Variants in PLD1 observed in about 807,000 individuals in gnomAD.
PLD1 encodes choline phosphatase 1.
A neutral mutation model predicts 137.1 loss-of-function variants in PLD1; 112 were observed. The ratio of observed to expected loss-of-function variants is 0.82; its 90% CI spans 0.70 to 0.96. The LOEUF is 0.96. Among genes scored for constraint, PLD1 ranks in the 40% least tolerant of loss-of-function variants. PLD1 has a pLI of 0.00. For synonymous variants in PLD1, 431 were observed against 454.7 expected, an observed-to-expected ratio of 0.95 and a Z score of 0.66; for missense variants, 1,321 against 1,342.0, an observed-to-expected ratio of 0.98 and a Z score of 0.24.
chr3:171,649,192 A>G (rs1486119885), intron 21 of PLD1, among the ~76,000 whole-genome samples: 3 of 152,170 alleles, frequency 2.0e-5, no homozygotes, highest in African/African-American at 4.8e-5. Flanking sequence ...ATATTATAAA[A>G]CATTCTTGCA....
At chr3:171,676,635 A>C (rs1578247586) in intron 18 of PLD1, 80 bp downstream of exon 18, 1 of 1,056,656 alleles carries the variant, frequency 9.5e-7, no homozygotes, top group Non-Finnish European at 1.5e-6. Flanking sequence ...TCTTCTTGCT[A>C]CCAGCCTCCT....
At chr3:171,741,463 G>A (rs1719765531) in intron 1 of PLD1, among the ~76,000 whole-genome samples, 1 of 152,100 alleles carries the variant, frequency 6.6e-6, no homozygotes, top group Non-Finnish European at 1.5e-5. Flanking sequence ...ATCTATAATA[G>A]GGGGTGAGCA....
rs778694444 is a variant in PLD1, at chr3:171,674,588, AG to A, written c.2140del (p.Leu714PhefsTer17). On this transcript the variant is annotated frameshift_variant, in exon 19 of 27. Transcript: ENST00000351298. LOFTEE classifies it high-confidence loss of function. ...CTTTGGAAGCAGAAAAGGATAAGAA[AG>A]GGACCGATATTTTGATTTCATAATC... ...TKIMKSKYRS[L>X]SYPFLLPKSQ... 6.3e-6 allele frequency: 10 copies of A among 1,592,330 alleles called. No homozygotes were observed. Among genetic ancestry groups the A allele is most frequent in the Non-Finnish European group, 7.8e-6 (9 of 1,161,238 alleles).
intron 15 of PLD1, 98 bp downstream of exon 15, chr3:171,687,273 C>T (rs374435911): frequency 1.3e-5 from 13 of 974,288 alleles, no homozygotes; most frequent in Middle Eastern, 2.3e-4. Context: ...CATTCTACTC[C>T]ATTACAGAAA....
intron 22 of PLD1, 199 bp from the exon 23 acceptor site, chr3:171,643,088 T>A: frequency 2.4e-6 from 1 of 417,856 alleles, no homozygotes; most frequent in Non-Finnish European, 4.2e-6. Context: ...ATGATAGTTG[T>A]TTTGAGGTAG....
chr3:171,731,337 A>T (rs1472410681), intron 6 of PLD1, among the ~76,000 whole-genome samples: 1 of 152,258 alleles, frequency 6.6e-6, no homozygotes, highest in African/African-American at 2.4e-5. Context: ...TTTCACAAAT[A>T]TGAGGCAGAG....
intron 1 of PLD1, among the ~76,000 whole-genome samples, chr3:171,764,855 G>A (rs1246895082): frequency 5.4e-5 from 1 of 18,554 alleles, no homozygotes; most frequent in South Asian, 9.1e-4. Flanking sequence ...AAGAAAGAAA[G>A]AAAGAAAGAA....
chr3:171,652,078 C>A (rs901505115), intron 21 of PLD1, among the ~76,000 whole-genome samples: 2 of 152,104 alleles, frequency 1.3e-5, no homozygotes, highest in African/African-American at 4.8e-5. Flanking sequence ...GGGAGTTATC[C>A]CACAAGAAAA....
intron 11 of PLD1, among the ~76,000 whole-genome samples, chr3:171,700,203 C>T (rs995432598): frequency 6.6e-6 from 1 of 152,118 alleles, no homozygotes; most frequent in Non-Finnish European, 1.5e-5. Context: ...CTTGCTTTCC[C>T]AGACTCCTGT....
intron 24 of PLD1, among the ~76,000 whole-genome samples, chr3:171,613,074 G>A (rs1560144133): frequency 6.6e-6 from 1 of 152,152 alleles, no homozygotes; most frequent in African/African-American, 2.4e-5. Flanking sequence ...GAATGCTGAG[G>A]CAGGAGGATC....
At chr3:171,699,683 A>G in intron 12 of PLD1, 62 bp downstream of exon 12, 1 of 1,186,182 alleles carries the variant, frequency 8.4e-7, no homozygotes, top group Non-Finnish European at 1.2e-6. Context: ...TGAAAAGAAA[A>G]GCATTTCAGA....
intron 21 of PLD1, among the ~76,000 whole-genome samples, chr3:171,655,041 A>T (rs1457324265): frequency 6.6e-6 from 1 of 152,188 alleles, no homozygotes; most frequent in African/African-American, 2.4e-5. Flanking sequence ...GGAGTTGGCA[A>T]TTTGAAGACT....
chr3:171,663,552 G>C (rs1272442380), intron 19 of PLD1, among the ~76,000 whole-genome samples: 7 of 152,206 alleles, frequency 4.6e-5, no homozygotes, highest in African/African-American at 1.7e-4. Flanking sequence ...ATGTGTTTGA[G>C]CTGTGGCAGG....
rs555569788 is a variant in PLD1, at chr3:171,761,553, G to GT, written c.-31-23472dup. Among the ~76,000 whole-genome samples the GT allele has an allele frequency of 1.9e-4, 29 of 152,288 alleles. No individual in the cohort carries two copies. In the East Asian group the frequency reaches 5.2e-3, roughly 27 times the overall value. ...TGGTTTTACCGGGGTGTCTGGTGCT[G>GT]TAACTATGCACAAGGGAGGCAGACT... On this transcript the variant is annotated intron_variant, in intron 1 of 26. Coordinates refer to ENST00000351298, the MANE Select transcript of PLD1 (RefSeq NM_002662.5).
intron 6 of PLD1, 48 bp from the exon 7 acceptor site, chr3:171,726,124 T>A: frequency 7.8e-7 from 1 of 1,281,746 alleles, no homozygotes. Context: ...ACAATTCAAA[T>A]TTATGCATTA....
chr3:171,692,511 C>T (rs1168024783), intron 12 of PLD1, 69 bp from the exon 13 acceptor site: 1 of 810,142 alleles, frequency 1.2e-6, no homozygotes, highest in Non-Finnish European at 2.2e-6. Flanking sequence ...TTTTCTTTTT[C>T]CTTTGCACTG....
intron 8 of PLD1, among the ~76,000 whole-genome samples, chr3:171,722,734 T>C (rs909398408): frequency 4.6e-5 from 7 of 152,150 alleles, no homozygotes; most frequent in African/African-American, 1.7e-4. Context: ...AAGTTCACAA[T>C]GCGATGGTTT....
intron 1 of PLD1, among the ~76,000 whole-genome samples, chr3:171,746,691 T>C (rs1233400585): frequency 6.6e-6 from 1 of 152,200 alleles, no homozygotes; most frequent in Non-Finnish European, 1.5e-5. Context: ...CAGCACTCTG[T>C]GTCTAGCTCA....
chr3:171,684,711 T>A (rs1395852646), intron 16 of PLD1, among the ~76,000 whole-genome samples: 1 of 152,144 alleles, frequency 6.6e-6, no homozygotes, highest in African/African-American at 2.4e-5. Context: ...TTCTCCCACC[T>A]CAGCTGCCAG....
Sources: gnomAD v4.1 joint callset for allele counts (sites outside exome capture counted in the v4.1 genomes callset) on GRCh38, gnomAD v4.1.1 for gene constraint, MANE v1.5 for transcripts, NCBI Gene and HGNC (gene_info 2026-07-23, HGNC 2026-07-21) for gene names.